The following CHD2 variants were observed in gnomAD, a reference collection of about 807,000 sequenced individuals.
The protein encoded by CHD2 is ATP-dependent chromatin remodeler CHD2.
In CHD2, 28 loss-of-function variants were observed where a neutral mutation model predicts 243.9. That is an observed-to-expected ratio of 0.11 (90% confidence interval 0.09 to 0.16). CHD2 has a LOEUF of 0.16. Ranked by LOEUF, CHD2 falls within the 10% of genes least tolerant of loss-of-function variation. The probability of loss-of-function intolerance (pLI) is 1.00; values close to 1 mark genes in which losing one functional copy is unlikely to be tolerated. For missense variants in CHD2, 1,386 were observed against 2,209.8 expected (o/e 0.63, Z 7.47); for synonymous variants, 775 against 779.0 (o/e 0.99, Z 0.09).
At chr15:92,926,668 C>T (rs921205948) in intron 3 of CHD2, among the ~76,000 whole-genome samples, 1 of 152,140 alleles carries the variant, frequency 6.6e-6, no homozygotes, top group Non-Finnish European at 1.5e-5. Context: ...ATTACTGCTA[C>T]AGAATAAAAA....
chr15:93,010,703 C>G (rs1256282966), intron 35 of CHD2, among the ~76,000 whole-genome samples: 2 of 152,222 alleles, frequency 1.3e-5, no homozygotes, highest in Non-Finnish European at 2.9e-5. Context: ...GGATTACAGG[C>G]ATGAGCCACT....
At chr15:92,956,019 T>C (rs188509959) in intron 15 of CHD2, among the ~76,000 whole-genome samples, 219 of 152,314 alleles carry the variant, frequency 1.4e-3, no homozygotes, top group African/African-American at 5.0e-3. Context: ...CTAAGAAATA[T>C]ATGTGGTAGG....
Position 92,967,530 on chromosome 15 carries a change from G to C in CHD2, c.2189+17G>C. 1 of 1,609,720 alleles carries C rather than the reference G, an allele frequency of 6.2e-7. No individual in the cohort carries two copies. The highest frequency in any genetic ancestry group is 8.5e-7 in the Non-Finnish European group (1 of 1,176,884). On this transcript the variant is annotated intron_variant, in intron 17 of 38. Transcript: ENST00000394196. ...GTATTACAAGTAAGTTCTTGTTTGG[G>C]TTAGGCCTGAAGGGGTTGAGATCAG...
chr15:92,954,207 C>G (rs2053589477), intron 14 of CHD2: 1 of 152,250 alleles, frequency 6.6e-6, no homozygotes, highest in Non-Finnish European at 1.5e-5. Flanking sequence ...ACGTATAATA[C>G]CTGTAATCTT....
In CHD2 at chr15:92,996,937, G is replaced by A. The variant is rs78359469; in HGVS notation, c.3596-20G>A. On this transcript the variant is annotated intron_variant, in intron 28 of 38. Transcript: ENST00000394196. Reference sequence around the variant, plus strand: ...TTCTGCAGATTTTCATTTAACTAATGTGAAACTGGTATTTTTCAGGAAAAG... The same window carrying A: ...TTCTGCAGATTTTCATTTAACTAATATGAAACTGGTATTTTTCAGGAAAAG... The A allele has an allele frequency of 3.5e-3, 5,592 of 1,594,562 alleles. 177 individuals carry two copies. The African/African-American group carries it at 0.068, about 19-fold the overall frequency.
rs903944984 is a variant in CHD2 at position 92,997,412 on chromosome 15, C to T, written c.3885+9C>T. ...TTAAATTAACTGACAAAGTAAGTAA[C>T]CCTACCATGCTAGAGATTTCTAGAA... On this transcript the variant is annotated intron_variant, in intron 30 of 38. Transcript: ENST00000394196. The surrounding 1 kb of genome is among the most constrained non-coding windows in gnomAD (Gnocchi z 4.1). 6.4e-6 allele frequency: 10 copies of T among 1,553,414 alleles called. No individual in the cohort carries two copies. Among genetic ancestry groups the T allele is most frequent in the Middle Eastern group, 1.7e-4 (1 of 5,750 alleles).
At position 92,987,634 on chromosome 15, in the gene CHD2, G is replaced by A. The variant is rs566371934; in HGVS notation, c.3413+1961G>A. On this transcript the variant is annotated intron_variant, in intron 26 of 38. Coordinates refer to ENST00000394196, the MANE Select transcript of CHD2 (RefSeq NM_001271.4). The stretch of plus-strand genomic sequence containing the variant: ...GAAGAAGGAAAAAAAAAAAAAGATG[G>A]TATCTTAAAATTTTTTAAAAATATT... Among the ~76,000 whole-genome samples, 10 of 151,114 alleles carry A rather than the reference G, an allele frequency of 6.6e-5. No homozygotes were observed. The East Asian group carries it at 9.7e-4, about 15-fold the overall frequency.
intron 2 of CHD2, among the ~76,000 whole-genome samples, chr15:92,922,780 G>T (rs2052983203): frequency 6.6e-6 from 1 of 152,142 alleles, no homozygotes; most frequent in African/African-American, 2.4e-5. Flanking sequence ...TCCGTTTGAG[G>T]TCTTTTTGCT....
chr15:92,914,575 G>C (rs551548099), intron 2 of CHD2, among the ~76,000 whole-genome samples: 16 of 152,136 alleles, frequency 1.1e-4, no homozygotes, highest in Non-Finnish European at 1.8e-4. Flanking sequence ...ACTGATTAAA[G>C]GTAAATTTTT....
intron 7 of CHD2, among the ~76,000 whole-genome samples, chr15:92,940,464 T>G (rs934777442): frequency 1.3e-5 from 2 of 151,634 alleles, no homozygotes; most frequent in African/African-American, 4.8e-5. Flanking sequence ...AAAAGGAAAA[T>G]GAAATAAAGG....
At chr15:92,952,788 A>G (rs534951648) in intron 13 of CHD2, among the ~76,000 whole-genome samples, 97 of 152,298 alleles carry the variant, frequency 6.4e-4, no homozygotes, top group African/African-American at 2.2e-3. Flanking sequence ...GCCCTTTTCC[A>G]TATATTGTTT....
intron 2 of CHD2, among the ~76,000 whole-genome samples, chr15:92,916,171 T>C (rs966275581): frequency 6.6e-6 from 1 of 152,238 alleles, no homozygotes; most frequent in Non-Finnish European, 1.5e-5. Context: ...ATCTTACACA[T>C]ATTGATGTCT....
intron 6 of CHD2, among the ~76,000 whole-genome samples, chr15:92,938,676 G>C (rs1347779815): frequency 2.0e-5 from 3 of 152,176 alleles, no homozygotes; most frequent in Admixed American, 2.0e-4. Context: ...GTTTAGGTTT[G>C]GTTATGAGAA....
chr15:93,001,596 A>C (rs913316566), intron 32 of CHD2, among the ~76,000 whole-genome samples: 2 of 152,102 alleles, frequency 1.3e-5, no homozygotes, highest in South Asian at 2.1e-4. Flanking sequence ...GGCTCACAGC[A>C]GCTTCCACCT....
At chr15:93,024,339 G>A (rs1235425688) in intron 38 of CHD2, 33 bp from the exon 39 acceptor site, 2 of 1,584,448 alleles carry the variant, frequency 1.3e-6, no homozygotes, top group Non-Finnish European at 1.7e-6. Context: ...TCTGGCTTCA[G>A]TCTTTCGACT....
chr15:93,019,235 C>T (rs1053026102), intron 37 of CHD2, among the ~76,000 whole-genome samples: 1 of 152,100 alleles, frequency 6.6e-6, no homozygotes, highest in Non-Finnish European at 1.5e-5. Context: ...CCAGGCACAG[C>T]AGGTACCAGC....
In CHD2 at chr15:92,901,175, T is replaced by C; in HGVS notation, c.-63T>C. 1 of 953,116 alleles carries C rather than the reference T, an allele frequency of 1.0e-6. No homozygotes were observed. The allele number at this position is 953,116 out of a possible 1,614,324, so 59.0% of individuals were successfully genotyped here. ...CTTTCAACTTTTGACAGTAAATACC[T>C]GGGCACAGGACTTCAAAGCAAACAC... On this transcript the variant is annotated 5_prime_UTR_variant, in exon 2 of 39. Coordinates refer to ENST00000394196, the MANE Select transcript of CHD2 (RefSeq NM_001271.4).
chr15:92,957,738 T>A (rs115237412), intron 16 of CHD2, among the ~76,000 whole-genome samples: 2,081 of 152,226 alleles, frequency 0.014, 51 homozygotes, highest in African/African-American at 0.046. Flanking sequence ...TTAGTAACTT[T>A]ATAGTTTGCA....
chr15:92,964,646 G>A (rs2053732555), intron 16 of CHD2, among the ~76,000 whole-genome samples: 1 of 152,168 alleles, frequency 6.6e-6, no homozygotes, highest in Non-Finnish European at 1.5e-5. Flanking sequence ...CTGCAGGGTG[G>A]CTCTGACAGG....
Sources: gnomAD v4.1 joint callset for allele counts (sites outside exome capture counted in the v4.1 genomes callset) on GRCh38, gnomAD v4.1.1 for gene constraint, Gnocchi (gnomAD v3.1) non-coding constraint, MANE v1.5 for transcripts, NCBI Gene and HGNC (gene_info 2026-07-23, HGNC 2026-07-21) for gene names.